The following LTN1 variants were observed in gnomAD, a reference collection of about 807,000 sequenced individuals.
The protein encoded by LTN1 is E3 ubiquitin-protein ligase listerin.
In LTN1, 88 loss-of-function variants were observed where a neutral mutation model predicts 201.2. The ratio of observed to expected loss-of-function variants is 0.44; its 90% CI spans 0.37 to 0.52. The LOEUF (loss-of-function observed/expected upper bound fraction) is 0.52. Among genes scored for constraint, LTN1 ranks in the 20% least tolerant of loss-of-function variants. The pLI is 0.00. For synonymous variants in LTN1, 645 were observed against 713.5 expected (o/e 0.90, Z 1.53); for missense variants, 1,752 against 2,038.7 (o/e 0.86, Z 2.71).
intron 24 of LTN1, among the ~76,000 whole-genome samples, chr21:28,942,059 T>C (rs2084301370): frequency 6.6e-6 from 1 of 152,200 alleles, no homozygotes. Flanking sequence ...AATACTTAAC[T>C]CTCTTCTCCA....
chr21:28,965,368 C>A (rs926538865), intron 11 of LTN1, among the ~76,000 whole-genome samples: 3 of 152,136 alleles, frequency 2.0e-5, no homozygotes, highest in African/African-American at 7.2e-5. Context: ...TATGTTCTTT[C>A]ATTTCTTTTC....
chr21:28,987,380 T>A (rs368064964), intron 1 of LTN1, among the ~76,000 whole-genome samples: 1 of 152,224 alleles, frequency 6.6e-6, no homozygotes, highest in Non-Finnish European at 1.5e-5. Flanking sequence ...AATGAACTCA[T>A]AAATAGAACC....
At chr21:28,949,171 A>G (rs1368368478) in intron 18 of LTN1, among the ~76,000 whole-genome samples, 1 of 152,176 alleles carries the variant, frequency 6.6e-6, no homozygotes, top group Non-Finnish European at 1.5e-5. Flanking sequence ...TCATCTATGA[A>G]TTGCCTCTTT....
chr21:28,988,829 G>A (rs1475890444), intron 1 of LTN1, among the ~76,000 whole-genome samples: 1 of 152,018 alleles, frequency 6.6e-6, no homozygotes, highest in African/African-American at 2.4e-5. Context: ...GCCAGGCATG[G>A]TGGCACATGC....
At chr21:28,970,395 G>T (rs1374081415) in intron 8 of LTN1, among the ~76,000 whole-genome samples, 157 bp downstream of exon 8, 1 of 151,934 alleles carries the variant, frequency 6.6e-6, no homozygotes, top group African/African-American at 2.4e-5. Flanking sequence ...AGTCTTGAAC[G>T]TACTCAAGAA....
intron 26 of LTN1, among the ~76,000 whole-genome samples, chr21:28,935,578 C>T (rs945356584): frequency 1.3e-5 from 2 of 152,030 alleles, no homozygotes; most frequent in East Asian, 1.9e-4. Flanking sequence ...CAGTGGCTCA[C>T]GCCTGTAATC....
intron 4 of LTN1, 25 bp downstream of exon 4, chr21:28,984,667 G>T: frequency 6.6e-7 from 1 of 1,517,548 alleles, no homozygotes; most frequent in Non-Finnish European, 9.1e-7. Flanking sequence ...AAAAAAAATA[G>T]ATTCAGAATG....
intron 11 of LTN1, among the ~76,000 whole-genome samples, chr21:28,962,438 C>T (rs1023140581): frequency 2.6e-5 from 4 of 152,184 alleles, no homozygotes; most frequent in African/African-American, 9.7e-5. Flanking sequence ...TTATAGTGAT[C>T]TGCAATCAGT....
chr21:28,979,211 T>C (rs529419133), intron 6 of LTN1, among the ~76,000 whole-genome samples: 3 of 152,202 alleles, frequency 2.0e-5, no homozygotes, highest in African/African-American at 4.8e-5. Context: ...CACGTATTGA[T>C]GGTTGAGTCT....
Position 28,965,894 on chromosome 21 carries a change from A to T in LTN1, c.2134T>A (p.Trp712Arg). ...TCAATAATCTTAAGAAGAGAATTCCATTTCAAGTCCACCTGAAAAAAGAAA... is the reference window on the plus strand; with the variant it reads ...TCAATAATCTTAAGAAGAGAATTCCTTTTCAAGTCCACCTGAAAAAAGAAA... ...LDDLTKVDLK[W>R]NSLLKIIEKA... Residue 712 changes from tryptophan (W) to arginine (R), a missense_variant, in exon 11 of 30, where the codon TGG becomes AGG. Around this residue, in one of 3 missense-constraint regions of LTN1, gnomAD observed 1,211 missense variants for 1,312.8 expected, o/e 0.92. Transcript: ENST00000361371. 2 of 1,528,340 alleles carry T rather than the reference A, an allele frequency of 1.3e-6. No homozygotes were observed. Among genetic ancestry groups the T allele is most frequent in the Non-Finnish European group, 1.8e-6 (2 of 1,118,266 alleles). The allele number at this position is 1,528,340 out of a possible 1,614,324, so 94.7% of individuals were successfully genotyped here.
In LTN1 at chr21:28,940,143, A is replaced by G. The variant is rs568375538; in HGVS notation, c.4482+1077T>C. 2.0e-5 allele frequency among the ~76,000 whole-genome samples: 3 copies of G among 152,354 alleles called. No homozygotes were observed. The South Asian group carries it at 6.2e-4, about 32-fold the overall frequency. On this transcript the variant is annotated intron_variant, in intron 25 of 29. Transcript: ENST00000361371. The stretch of plus-strand genomic sequence containing the variant: ...CCTGTCAAAAGAAGGCACATATTTT[A>G]TTAGGCTAATTCAATCAAAGATTGA...
intron 11 of LTN1, chr21:28,961,198 G>C (rs938324788): frequency 6.6e-6 from 1 of 152,160 alleles, no homozygotes; most frequent in Non-Finnish European, 1.5e-5. Context: ...CAACACTGTA[G>C]ATATGTTCAA....
intron 1 of LTN1, among the ~76,000 whole-genome samples, chr21:28,989,821 C>A (rs1200483990): frequency 6.6e-6 from 1 of 152,044 alleles, no homozygotes; most frequent in Admixed American, 6.6e-5. Flanking sequence ...TTGAGACCAG[C>A]CTAGCCAACA....
chr21:28,962,196 G>C (rs972381183), intron 11 of LTN1, among the ~76,000 whole-genome samples: 4 of 152,062 alleles, frequency 2.6e-5, no homozygotes, highest in African/African-American at 9.7e-5. Flanking sequence ...AATGCCTCTC[G>C]AGTTAGCAAG....
In LTN1 at chr21:28,992,801, C is replaced by T; in HGVS notation, c.5G>A (p.Gly2Asp). MGGKNKQRTKGN... is the reference protein window; with the variant it reads MDGKNKQRTKGN... ...TTTAGTTCGCTGCTTGTTCTTCCCGCCCATGGTCGCGGTTGCAGCTGTACT... is the reference window on the plus strand; with the variant it reads ...TTTAGTTCGCTGCTTGTTCTTCCCGTCCATGGTCGCGGTTGCAGCTGTACT... The change falls in exon 1 of 30, where the codon GGC (glycine) becomes GAC (aspartate). Residue 2 changes from glycine to aspartate, a missense_variant. Gly to Asp is a moderately conservative substitution (Grantham distance 94, BLOSUM62 -1). Transcript: ENST00000361371. 6.2e-7 allele frequency: 1 copy of T among 1,614,250 alleles called. No homozygotes were observed. Among genetic ancestry groups the T allele is most frequent in the Non-Finnish European group, 8.5e-7 (1 of 1,180,034 alleles).
intron 1 of LTN1, among the ~76,000 whole-genome samples, chr21:28,989,457 T>C (rs2084727905): frequency 6.6e-6 from 1 of 152,128 alleles, no homozygotes; most frequent in African/African-American, 2.4e-5. Context: ...ACAATTCTAT[T>C]TATGGCACTT....
In LTN1 at chr21:28,967,193, T is replaced by C. The variant is rs768135864; in HGVS notation, c.1312-14A>G. On this transcript the variant is annotated splice_polypyrimidine_tract_variant and intron_variant, in intron 9 of 29. Transcript: ENST00000361371. ...AAAAGGGATCAACTGAAAGAAAAGGTAGAATATCATAAAATATATATTTGG... is the reference window on the plus strand; with the variant it reads ...AAAAGGGATCAACTGAAAGAAAAGGCAGAATATCATAAAATATATATTTGG... 1.9e-6 allele frequency: 3 copies of C among 1,563,706 alleles called. No individual in the cohort carries two copies. The highest frequency in any genetic ancestry group is 2.2e-5 in the East Asian group (1 of 44,556).
chr21:28,953,620 G>A (rs2084401406), intron 16 of LTN1, among the ~76,000 whole-genome samples: 1 of 152,164 alleles, frequency 6.6e-6, no homozygotes, highest in Non-Finnish European at 1.5e-5. Context: ...AGTTAAGAAT[G>A]TGACAAGAAC....
rs201145742 is a variant in LTN1 at position 28,972,416 on chromosome 21, G to A, written c.811-972C>T. ...CTCAGGAATTACATAAAATGTCCCT[G>A]ACATAAAATGGCGTAATATAGTCGG... On this transcript the variant is annotated intron_variant, in intron 6 of 29. Transcript: ENST00000361371. Among the ~76,000 whole-genome samples, 34 of 112,350 alleles carry A rather than the reference G, an allele frequency of 3.0e-4. No homozygotes were observed. In the East Asian group the frequency reaches 7.1e-3, roughly 23 times the overall value. 73.7% of individuals were successfully genotyped at this position (112,350 alleles called of 152,430 possible).
Sources: gnomAD v4.1 joint callset for allele counts (sites outside exome capture counted in the v4.1 genomes callset) on GRCh38, gnomAD v4.1.1 for gene constraint, gnomAD v4.1.1 regional missense constraint, MANE v1.5 for transcripts, NCBI Gene and HGNC (gene_info 2026-07-23, HGNC 2026-07-21) for gene names.